CDC42BPA: variants seen among roughly 807,000 people sequenced by gnomAD.
The protein encoded by CDC42BPA is serine/threonine-protein kinase MRCK alpha.
CDC42BPA carries 80 observed loss-of-function variants against 223.5 expected under a neutral mutation model. The observed-to-expected ratio is 0.36, with a 90% CI of 0.30 to 0.43. CDC42BPA has a LOEUF of 0.43. CDC42BPA is among the 20% of genes least tolerant of loss of function. The pLI is 1.00. For synonymous variants in CDC42BPA, 694 were observed against 718.6 expected (o/e 0.97, Z 0.55); for missense variants, 1,743 against 2,099.9 (o/e 0.83, Z 3.32).
At chr1:227,306,536 C>T (rs555304368) in intron 1 of CDC42BPA, among the ~76,000 whole-genome samples, 4 of 152,222 alleles carry the variant, frequency 2.6e-5, no homozygotes, top group Non-Finnish European at 4.4e-5. Context: ...TAACACATTA[C>T]GAACGCATGC....
At chr1:227,220,179 T>G (rs1451612620) in intron 2 of CDC42BPA, among the ~76,000 whole-genome samples, 1 of 151,642 alleles carries the variant, frequency 6.6e-6, no homozygotes, top group Non-Finnish European at 1.5e-5. Context: ...TAGAGCAAAT[T>G]TGGCTGTCCT....
At chr1:227,037,237 T>C (rs1034044537) in intron 24 of CDC42BPA, among the ~76,000 whole-genome samples, 1 of 152,232 alleles carries the variant, frequency 6.6e-6, no homozygotes. Context: ...CAGTCACACC[T>C]TCCTAGTCAA....
intron 21 of CDC42BPA, among the ~76,000 whole-genome samples, chr1:227,061,095 A>C (rs1021016363): frequency 6.6e-6 from 1 of 152,168 alleles, no homozygotes. Flanking sequence ...GTTAATAGTA[A>C]ACCAGGATTA....
chr1:227,265,188 A>C, intron 1 of CDC42BPA: 1 of 647,030 alleles, frequency 1.5e-6, no homozygotes, highest in South Asian at 1.7e-5. Flanking sequence ...CAGCACAAAC[A>C]CCAAAGCGTG....
intron 6 of CDC42BPA, among the ~76,000 whole-genome samples, chr1:227,154,038 A>G (rs1011679508): frequency 3.3e-5 from 5 of 151,954 alleles, no homozygotes; most frequent in African/African-American, 1.2e-4. Flanking sequence ...ATAAAATAGT[A>G]GTAGAGTCAA....
At chr1:227,192,267 C>T (rs902436160) in intron 5 of CDC42BPA, among the ~76,000 whole-genome samples, 1 of 151,806 alleles carries the variant, frequency 6.6e-6, no homozygotes, top group African/African-American at 2.4e-5. Flanking sequence ...TCACTCTCAC[C>T]ACCCAAAACT....
At chr1:227,249,460 ACAAT>A (rs887752168) in intron 2 of CDC42BPA, among the ~76,000 whole-genome samples, 1 of 152,252 alleles carries the variant, frequency 6.6e-6, no homozygotes. Context: ...AGCAAAGGAA[ACAAT>A]CAACCCACAG....
chr1:227,268,120 C>T (rs3127003), intron 1 of CDC42BPA, among the ~76,000 whole-genome samples: 32,581 of 152,044 alleles, frequency 0.21, 3,945 homozygotes, highest in East Asian at 0.37. Context: ...AATGTGGTAT[C>T]TGATTGAAGT....
chr1:227,036,408 C>A (rs1670236185), intron 24 of CDC42BPA, among the ~76,000 whole-genome samples: 1 of 147,272 alleles, frequency 6.8e-6, no homozygotes. Context: ...TCATCACACA[C>A]AACTTCAATT....
chr1:227,232,867 C>T (rs1156344273), intron 2 of CDC42BPA, among the ~76,000 whole-genome samples: 2 of 152,200 alleles, frequency 1.3e-5, no homozygotes, highest in South Asian at 4.1e-4. Context: ...GTCAGGGACC[C>T]ACTTGAGGAG....
At chr1:227,240,560 C>G (rs1270185320) in intron 2 of CDC42BPA, among the ~76,000 whole-genome samples, 1 of 151,830 alleles carries the variant, frequency 6.6e-6, no homozygotes, top group Non-Finnish European at 1.5e-5. Context: ...AGCATAAAGG[C>G]AGACAATGAG....
In CDC42BPA at chr1:227,150,947, T is replaced by C. The variant is rs181864318; in HGVS notation, c.694-3388A>G. Among the ~76,000 whole-genome samples, 10 of 151,986 alleles carry C rather than the reference T, an allele frequency of 6.6e-5. No homozygotes were observed. In the East Asian group the frequency reaches 1.9e-3, roughly 29 times the overall value. On this transcript the variant is annotated intron_variant, in intron 6 of 36. Coordinates refer to ENST00000366766, the MANE Select transcript of CDC42BPA (RefSeq NM_001394014.1). ...TGAGGGTGTAAACAGGATTCAAGTATTCTAAATTTCTTAGGTTTTTTAAAT... is the reference window on the plus strand; with the variant it reads ...TGAGGGTGTAAACAGGATTCAAGTACTCTAAATTTCTTAGGTTTTTTAAAT...
In CDC42BPA at chr1:227,297,954, G is replaced by GTGTATA. The variant is rs1553440379; in HGVS notation, c.178+19050_178+19051insTATACA. ...AATTTTGTTTTATGTGTGTGTGTGT[G>GTGTATA]TATATATACATATACACACACACAC... is the stretch of plus-strand genomic sequence containing the variant. On this transcript the variant is annotated intron_variant, in intron 1 of 36. Coordinates refer to ENST00000366766, the MANE Select transcript of CDC42BPA (RefSeq NM_001394014.1). Among the ~76,000 whole-genome samples the GTGTATA allele has an allele frequency of 2.8e-4, 36 of 127,104 alleles. No homozygotes were observed. The South Asian group carries it at 3.1e-3, about 11-fold the overall frequency. The allele number at this position is 127,104 out of a possible 152,430, so 83.4% of individuals were successfully genotyped here.
intron 1 of CDC42BPA, among the ~76,000 whole-genome samples, chr1:227,298,096 T>TA (rs201670679): frequency 6.0e-5 from 9 of 149,728 alleles, no homozygotes; most frequent in East Asian, 5.9e-4. Context: ...TGTTTTTTTT[T>TA]ATCTGTCTCA....
intron 1 of CDC42BPA, among the ~76,000 whole-genome samples, chr1:227,304,416 C>CA (rs768453181): frequency 6.9e-6 from 1 of 144,668 alleles, no homozygotes; most frequent in Non-Finnish European, 1.5e-5. Flanking sequence ...AAAAAAAAAA[C>CA]AAAAAAAGAA....
intron 10 of CDC42BPA, among the ~76,000 whole-genome samples, chr1:227,136,587 G>A (rs932058742): frequency 2.0e-5 from 3 of 152,188 alleles, no homozygotes; most frequent in African/African-American, 4.8e-5. Flanking sequence ...CGACACGTAC[G>A]TGAATCACAG....
rs138254698 is a variant in CDC42BPA, at chr1:227,143,055, T to C, written c.1144-31A>G. On this transcript the variant is annotated intron_variant, in intron 8 of 36. Transcript: ENST00000366766. ...GGAGGAAAAAACATCTGGTAAGAAA[T>C]AGATAGCTATATGATCTGTAGGCTT... 1.6e-5 allele frequency: 23 copies of C among 1,401,586 alleles called. No individual in the cohort carries two copies. The African/African-American group carries it at 3.0e-4, about 18-fold the overall frequency. 86.8% of individuals were successfully genotyped at this position (1,401,586 alleles called of 1,614,324 possible).
At chr1:227,199,692 T>A (rs1671384455) in intron 3 of CDC42BPA, 40 bp from the exon 4 acceptor site, 3 of 967,796 alleles carry the variant, frequency 3.1e-6, no homozygotes, top group Non-Finnish European at 5.0e-6. Context: ...ATACTTTATG[T>A]AAAACTAGGA....
intron 2 of CDC42BPA, among the ~76,000 whole-genome samples, chr1:227,245,598 T>C (rs1680801254): frequency 6.6e-6 from 1 of 152,050 alleles, no homozygotes; most frequent in Non-Finnish European, 1.5e-5. Context: ...GCCCCGACAT[T>C]GTCTTGCATC....
Sources: gnomAD v4.1 joint callset for allele counts (sites outside exome capture counted in the v4.1 genomes callset) on GRCh38, gnomAD v4.1.1 for gene constraint, MANE v1.5 for transcripts, NCBI Gene and HGNC (gene_info 2026-07-23, HGNC 2026-07-21) for gene names.